Variants in COG3 observed in about 807,000 individuals in gnomAD.
COG3 encodes component of oligomeric golgi complex 3.
A neutral mutation model predicts 114.1 loss-of-function variants in COG3; 32 were observed. That is an observed-to-expected ratio of 0.28 (90% CI 0.21 to 0.38). COG3 has a LOEUF of 0.38. Among genes scored for constraint, COG3 ranks in the 10% least tolerant of loss-of-function variants. The pLI is 1.00. For missense variants in COG3, 813 were observed against 973.2 expected, an observed-to-expected ratio of 0.84 and a Z score of 2.19; for synonymous variants, 352 against 365.7, an observed-to-expected ratio of 0.96 and a Z score of 0.43.
In COG3 at chr13:45,482,471, C is replaced by A. The variant is rs749518203; in HGVS notation, c.715C>A (p.His239Asn). ...LDDCITYISS[H>N]PNFKDYPIYL... Reference sequence around the variant, plus strand: ...TGATTGTATAACATATATCTCATCTCATGTAAGTCAGAGTATTTTTGCATG... The same window carrying A: ...TGATTGTATAACATATATCTCATCTAATGTAAGTCAGAGTATTTTTGCATG... The change falls in exon 6 of 23, where the codon CAT becomes AAT. Residue 239 changes from histidine (H) to asparagine (N), a missense_variant and splice_region_variant. Around this residue, in one of 2 missense-constraint regions of COG3, gnomAD observed 424 missense variants for 430.6 expected, o/e 0.98. Transcript: ENST00000349995. 1.4e-6 allele frequency: 2 copies of A among 1,387,782 alleles called. No individual in the cohort carries two copies. The highest frequency in any genetic ancestry group is 1.0e-6 in the Non-Finnish European group (1 of 993,842). 86.0% of individuals were successfully genotyped at this position (1,387,782 alleles called of 1,614,324 possible). A position where few individuals can be genotyped will look rare whatever the true frequency, so the allele number is the denominator to read the frequency against.
chr13:45,475,464 A>G (rs1885803558), intron 1 of COG3, among the ~76,000 whole-genome samples: 1 of 151,904 alleles, frequency 6.6e-6, no homozygotes, highest in Non-Finnish European at 1.5e-5. Context: ...TCTGCCTCTC[A>G]AAGTGCTGGG....
chr13:45,483,597 T>G (rs1886389466), intron 7 of COG3, among the ~76,000 whole-genome samples: 1 of 152,240 alleles, frequency 6.6e-6, no homozygotes, highest in Non-Finnish European at 1.5e-5. Flanking sequence ...TACTATATGA[T>G]GAATAATCAG....
chr13:45,520,168 A>G (rs1229676692), intron 19 of COG3, among the ~76,000 whole-genome samples: 1 of 152,016 alleles, frequency 6.6e-6, no homozygotes, highest in East Asian at 1.9e-4. Flanking sequence ...GTGTGCCTAT[A>G]GTCCCAGGTA....
Position 45,480,307 on chromosome 13 carries a change from G to C in COG3, c.549+17G>C. On this transcript the variant is annotated intron_variant, in intron 4 of 22. Coordinates refer to ENST00000349995, the MANE Select transcript of COG3 (RefSeq NM_031431.4). ...AAAGAACAGGTAATTTGGAGTAAGA[G>C]AGAGGATCAGTCATTATATTTAATA... 1 of 1,546,000 alleles carries C rather than the reference G, an allele frequency of 6.5e-7. No homozygotes were observed. Among genetic ancestry groups the C allele is most frequent in the Non-Finnish European group, 8.9e-7 (1 of 1,128,706 alleles).
intron 19 of COG3, among the ~76,000 whole-genome samples, chr13:45,519,486 T>C (rs1311915930): frequency 6.6e-6 from 1 of 152,210 alleles, no homozygotes; most frequent in Non-Finnish European, 1.5e-5. Flanking sequence ...TTTGTTTTCC[T>C]CTTTGTTTTA....
Position 45,534,906 on chromosome 13 carries a change from GTTTTC to G in COG3, c.*182_*186del. Reference sequence around the variant, plus strand: ...AGAAGCAAAGTGTTACAGGATCAGTGTTTTCTTTTCTAAAACATCAAAATGCCAAA... The same window carrying G: ...AGAAGCAAAGTGTTACAGGATCAGTGTTTTCTAAAACATCAAAATGCCAAA... On this transcript the variant is annotated 3_prime_UTR_variant, in exon 23 of 23. Transcript: ENST00000349995. The G allele has an allele frequency of 2.4e-6, 3 of 1,252,648 alleles. No individual in the cohort carries two copies. The highest frequency in any genetic ancestry group is 3.0e-6 in the Non-Finnish European group (3 of 1,000,068). 77.6% of individuals were successfully genotyped at this position (1,252,648 alleles called of 1,614,324 possible). A position where few individuals can be genotyped will look rare whatever the true frequency, so the allele number is the denominator to read the frequency against.
At position 45,536,047 on chromosome 13, in the gene COG3, G is replaced by A; in HGVS notation, c.*1316G>A. 5.7e-6 allele frequency: 1 copy of A among 174,580 alleles called. No individual in the cohort carries two copies. The highest frequency in any genetic ancestry group is 6.0e-4 in the Middle Eastern group (1 of 1,680). The allele number at this position is 174,580 out of a possible 1,614,324, so 10.8% of individuals were successfully genotyped here. On this transcript the variant is annotated 3_prime_UTR_variant, in exon 23 of 23. Transcript: ENST00000349995. ...CCCTGATTGTTGTCATTTGTAACAG[G>A]TCACTTCCTTTTCACTCAGTTTAAA... is the stretch of plus-strand genomic sequence containing the variant.
intron 19 of COG3, among the ~76,000 whole-genome samples, chr13:45,522,092 A>G (rs1355020945): frequency 6.6e-6 from 1 of 152,206 alleles, no homozygotes; most frequent in Non-Finnish European, 1.5e-5. Context: ...GGCAGGAGCC[A>G]CTGTGCCTGG....
At chr13:45,525,538 G>T (rs1296501042) in intron 20 of COG3, among the ~76,000 whole-genome samples, 7 of 147,774 alleles carry the variant, frequency 4.7e-5, no homozygotes, top group African/African-American at 7.4e-5. Flanking sequence ...TTGGGAGTTG[G>T]CAGGCAATAC....
chr13:45,508,386 TTATA>T (rs10571584), intron 14 of COG3, among the ~76,000 whole-genome samples: 12,642 of 109,580 alleles, frequency 0.12, 1,651 homozygotes, highest in African/African-American at 0.33. Flanking sequence ...ATATATATTT[TTATA>T]TATATATATA....
chr13:45,468,334 G>A (rs929091778), intron 1 of COG3, among the ~76,000 whole-genome samples: 10 of 152,166 alleles, frequency 6.6e-5, no homozygotes, highest in African/African-American at 2.4e-4. Context: ...CAAGGTGCAC[G>A]TGGCAAGTTA....
chr13:45,509,390 A>G (rs1211187877), intron 14 of COG3, among the ~76,000 whole-genome samples: 1 of 152,128 alleles, frequency 6.6e-6, no homozygotes, highest in African/African-American at 2.4e-5. Flanking sequence ...TGCTTTTCCT[A>G]TGTTCCATAA....
intron 13 of COG3, among the ~76,000 whole-genome samples, chr13:45,501,565 C>T (rs753167505): frequency 1.3e-5 from 2 of 152,182 alleles, no homozygotes; most frequent in African/African-American, 2.4e-5. Context: ...TCAGGTGCAT[C>T]AGTATATTTC....
chr13:45,480,418 C>A, intron 4 of COG3, 128 bp downstream of exon 4: 2 of 630,024 alleles, frequency 3.2e-6, no homozygotes, highest in Non-Finnish European at 5.2e-6. Context: ...GCCCTGTGCT[C>A]AGCATGCAGA....
chr13:45,493,624 C>A (rs746531091), intron 12 of COG3, 138 bp downstream of exon 12: 11 of 624,406 alleles, frequency 1.8e-5, no homozygotes, highest in Non-Finnish European at 2.8e-5. Flanking sequence ...CTTACCCCTT[C>A]TTGAATGAAG....
intron 17 of COG3, 67 bp from the exon 18 acceptor site, chr13:45,518,695 G>A: frequency 8.4e-7 from 1 of 1,191,850 alleles, no homozygotes; most frequent in South Asian, 1.4e-5. Context: ...GAGAACTGGT[G>A]TATGTTACTC....
At chr13:45,497,130 A>C (rs1471950690) in intron 13 of COG3, among the ~76,000 whole-genome samples, 4 of 152,198 alleles carry the variant, frequency 2.6e-5, no homozygotes. Context: ...GATGGTGATG[A>C]TGTAACCGTG....
chr13:45,486,421 G>A, intron 7 of COG3, 74 bp from the exon 8 acceptor site: 1 of 903,226 alleles, frequency 1.1e-6, no homozygotes, highest in Non-Finnish European at 1.9e-6. Context: ...CATAGGAAAT[G>A]GTTGCTGTTG....
chr13:45,489,502 G>T (rs1208238914), intron 8 of COG3, among the ~76,000 whole-genome samples: 5 of 152,086 alleles, frequency 3.3e-5, no homozygotes, highest in Non-Finnish European at 7.4e-5. Context: ...GTATAGATAA[G>T]AGGGCTCAGT....
Sources: gnomAD v4.1 joint callset for allele counts (sites outside exome capture counted in the v4.1 genomes callset) on GRCh38, gnomAD v4.1.1 for gene constraint, gnomAD v4.1.1 regional missense constraint, MANE v1.5 for transcripts, NCBI Gene and HGNC (gene_info 2026-07-23, HGNC 2026-07-21) for gene names.